The following EPHA6 variants were observed in gnomAD, a reference collection of about 807,000 sequenced individuals.
The protein encoded by EPHA6 is EPH receptor A6.
Under a neutral mutation model 112.0 loss-of-function variants are expected in EPHA6, and 50 were observed. The observed-to-expected ratio is 0.45, with a 90% CI of 0.36 to 0.56. The LOEUF (loss-of-function observed/expected upper bound fraction) is 0.56, where lower values mean the gene tolerates loss of function less well. EPHA6 is among the 20% of genes least tolerant of loss of function. The probability of loss-of-function intolerance (pLI) is 0.00; values close to 1 mark genes in which losing one functional copy is unlikely to be tolerated. For synonymous variants in EPHA6, 529 were observed against 490.7 expected, an observed-to-expected ratio of 1.08 and a Z score of -1.03; for missense variants, 1,280 against 1,417.4, an observed-to-expected ratio of 0.90 and a Z score of 1.56.
intron 3 of EPHA6, among the ~76,000 whole-genome samples, chr3:97,016,074 T>C (rs1448828961): frequency 6.6e-6 from 1 of 152,064 alleles, no homozygotes; most frequent in Non-Finnish European, 1.5e-5. Flanking sequence ...TTCATTAATC[T>C]TAAAATATAA....
intron 3 of EPHA6, among the ~76,000 whole-genome samples, chr3:97,100,577 C>T (rs1254472450): frequency 1.3e-5 from 2 of 151,882 alleles, no homozygotes; most frequent in Non-Finnish European, 2.9e-5. Flanking sequence ...GGCCCAGCCT[C>T]TTTCAGAGAT....
At chr3:97,606,273 G>GT (rs2093679585) in intron 12 of EPHA6, 1 of 151,318 alleles carries the variant, frequency 6.6e-6, no homozygotes, top group Admixed American at 6.6e-5. Flanking sequence ...AAAATTTTTT[G>GT]TATCACTGAA....
chr3:97,440,633 C>A (rs985351347), intron 6 of EPHA6, among the ~76,000 whole-genome samples: 2 of 150,612 alleles, frequency 1.3e-5, no homozygotes, highest in African/African-American at 4.9e-5. Flanking sequence ...GCATAATAGA[C>A]AAATTATGAA....
At chr3:97,084,318 C>T (rs1245997982) in intron 3 of EPHA6, among the ~76,000 whole-genome samples, 2 of 151,068 alleles carry the variant, frequency 1.3e-5, no homozygotes, top group African/African-American at 2.4e-5. Context: ...TCCAGCCAAT[C>T]GTATAGCCCT....
intron 2 of EPHA6, among the ~76,000 whole-genome samples, chr3:96,974,116 A>G (rs1296160217): frequency 1.4e-5 from 2 of 146,548 alleles, no homozygotes; most frequent in African/African-American, 4.9e-5. Flanking sequence ...TTGTATTTAT[A>G]ATATAAAGCT....
intron 9 of EPHA6, among the ~76,000 whole-genome samples, chr3:97,480,975 G>A (rs967544905): frequency 6.6e-6 from 1 of 151,466 alleles, no homozygotes; most frequent in East Asian, 2.0e-4. Context: ...GGGAAGAGGC[G>A]CTCCTCACTT....
chr3:97,040,123 G>A (rs2045261763), intron 3 of EPHA6, among the ~76,000 whole-genome samples: 1 of 151,238 alleles, frequency 6.6e-6, no homozygotes, highest in Non-Finnish European at 1.5e-5. Flanking sequence ...TTATAATAAT[G>A]ATAGTAATTT....
At chr3:97,279,129 T>G (rs1311682504) in intron 5 of EPHA6, among the ~76,000 whole-genome samples, 1 of 152,122 alleles carries the variant, frequency 6.6e-6, no homozygotes, top group African/African-American at 2.4e-5. Flanking sequence ...AGTCACAAAA[T>G]GGGAACATAC....
chr3:97,685,213 A>G (rs1237688246), intron 14 of EPHA6, among the ~76,000 whole-genome samples: 2 of 152,218 alleles, frequency 1.3e-5, no homozygotes, highest in African/African-American at 2.4e-5. Flanking sequence ...ATAGAAAATG[A>G]TATTATAAAA....
intron 5 of EPHA6, among the ~76,000 whole-genome samples, chr3:97,312,855 A>C (rs2081625912): frequency 6.6e-6 from 1 of 151,272 alleles, no homozygotes; most frequent in African/African-American, 2.4e-5. Flanking sequence ...TCAGGAAGAA[A>C]CTCCCAGTTA....
In EPHA6 at chr3:96,828,412, C is replaced by T. The variant is rs373075935; in HGVS notation, c.385+13404C>T. On this transcript the variant is annotated intron_variant, in intron 1 of 17. Transcript: ENST00000389672. Reference sequence around the variant, plus strand: ...ACTACCTATGTGTCCACGATGTGTGCTCTTTCTCTTATCAGGAAACTCATG... The same window carrying T: ...ACTACCTATGTGTCCACGATGTGTGTTCTTTCTCTTATCAGGAAACTCATG... Among the ~76,000 whole-genome samples the T allele has an allele frequency of 2.0e-4, 30 of 152,234 alleles. 1 individual carries two copies. In the South Asian group the frequency reaches 2.5e-3, roughly 13 times the overall value.
intron 1 of EPHA6, among the ~76,000 whole-genome samples, chr3:96,816,230 C>G (rs549595526): frequency 5.3e-4 from 81 of 152,270 alleles, no homozygotes; most frequent in Non-Finnish European, 9.9e-4. Flanking sequence ...TACAGTGGTA[C>G]TTTGGCATAT....
chr3:97,689,426 A>C (rs1383810009), intron 14 of EPHA6, among the ~76,000 whole-genome samples: 1 of 152,186 alleles, frequency 6.6e-6, no homozygotes, highest in African/African-American at 2.4e-5. Flanking sequence ...ATATATAAAA[A>C]TTAATTTTAT....
chr3:97,386,966 A>G (rs1278306685), intron 5 of EPHA6, among the ~76,000 whole-genome samples: 1 of 152,178 alleles, frequency 6.6e-6, no homozygotes, highest in African/African-American at 2.4e-5. Context: ...GCAATGGCCC[A>G]AGTTGTTCCT....
chr3:97,406,871 C>T (rs900116046), intron 6 of EPHA6, among the ~76,000 whole-genome samples: 1 of 152,072 alleles, frequency 6.6e-6, no homozygotes, highest in East Asian at 1.9e-4. Context: ...CAGCCTATAG[C>T]ACACTATCAC....
intron 12 of EPHA6, among the ~76,000 whole-genome samples, chr3:97,606,973 A>G (rs2093684610): frequency 6.6e-6 from 1 of 151,126 alleles, no homozygotes; most frequent in South Asian, 2.1e-4. Context: ...TAGACAAAAT[A>G]TAAACTTGAT....
chr3:96,884,285 A>C (rs1038003530), intron 2 of EPHA6, among the ~76,000 whole-genome samples: 3 of 152,014 alleles, frequency 2.0e-5, no homozygotes, highest in African/African-American at 7.3e-5. Flanking sequence ...TGGGGATTGC[A>C]TTGATTTGTA....
At chr3:97,374,664 A>G (rs2085246159) in intron 5 of EPHA6, among the ~76,000 whole-genome samples, 1 of 152,032 alleles carries the variant, frequency 6.6e-6, no homozygotes, top group African/African-American at 2.4e-5. Flanking sequence ...CCGCTCGCTC[A>G]TCCTTATATT....
At chr3:97,152,592 C>A (rs2076196657) in intron 3 of EPHA6, among the ~76,000 whole-genome samples, 1 of 151,900 alleles carries the variant, frequency 6.6e-6, no homozygotes, top group African/African-American at 2.4e-5. Flanking sequence ...CAATAATATG[C>A]AGAATTAGAC....
Sources: gnomAD v4.1 joint callset for allele counts (sites outside exome capture counted in the v4.1 genomes callset) on GRCh38, gnomAD v4.1.1 for gene constraint, MANE v1.5 for transcripts, NCBI Gene and HGNC (gene_info 2026-07-23, HGNC 2026-07-21) for gene names.